The following TMEM62 variants were observed in gnomAD, a reference collection of about 807,000 sequenced individuals.
TMEM62 encodes transmembrane protein 62.
Under a neutral mutation model 70.4 loss-of-function variants are expected in TMEM62, and 41 were observed. That is an observed-to-expected ratio of 0.58 (90% confidence interval 0.45 to 0.76). The LOEUF is 0.76. Ranked by LOEUF, TMEM62 falls within the 30% of genes least tolerant of loss-of-function variation. The pLI is 0.00. For synonymous variants in TMEM62, 268 were observed against 291.0 expected (o/e 0.92, Z 0.80); for missense variants, 688 against 788.5 (o/e 0.87, Z 1.53).
chr15:43,175,858 C>T (rs564950059), intron 11 of TMEM62, among the ~76,000 whole-genome samples: 80 of 152,294 alleles, frequency 5.3e-4, no homozygotes, highest in Admixed American at 9.8e-4. Flanking sequence ...GCGCACCGTG[C>T]GTGAGCCGAA....
Position 43,138,687 on chromosome 15 carries a change from A to G in TMEM62, c.476+68A>G. 5 of 1,269,278 alleles carry G rather than the reference A, an allele frequency of 3.9e-6. No individual in the cohort carries two copies. The South Asian group carries it at 6.6e-5, about 17-fold the overall frequency. 78.6% of individuals were successfully genotyped at this position (1,269,278 alleles called of 1,614,324 possible). On this transcript the variant is annotated intron_variant, in intron 4 of 13. Transcript: ENST00000260403. Reference sequence around the variant, plus strand: ...GTTATAAGGAGGGTGTGGTCAACTCAATGAATGAGAGAAAACTTTAAAAAA... The same window carrying G: ...GTTATAAGGAGGGTGTGGTCAACTCGATGAATGAGAGAAAACTTTAAAAAA...
At chr15:43,157,169 C>A (rs564493602) in intron 9 of TMEM62, among the ~76,000 whole-genome samples, 1 of 152,200 alleles carries the variant, frequency 6.6e-6, no homozygotes, top group Non-Finnish European at 1.5e-5. Flanking sequence ...AGCAACTAGA[C>A]CTTTAGATCA....
chr15:43,161,345 T>C (rs143185147), intron 10 of TMEM62, among the ~76,000 whole-genome samples: 1 of 152,304 alleles, frequency 6.6e-6, no homozygotes, highest in Non-Finnish European at 1.5e-5. Context: ...CAAAGGATAT[T>C]AGTTATCATA....
At chr15:43,142,032 C>T (rs941591716) in intron 4 of TMEM62, among the ~76,000 whole-genome samples, 1 of 152,236 alleles carries the variant, frequency 6.6e-6, no homozygotes, top group Middle Eastern at 3.4e-3. Context: ...ATGGTGTGAA[C>T]ATTTTTGAAA....
intron 9 of TMEM62, among the ~76,000 whole-genome samples, chr15:43,159,509 C>A (rs1007913062): frequency 2.0e-5 from 3 of 152,062 alleles, no homozygotes; most frequent in Non-Finnish European, 2.9e-5. Flanking sequence ...TCTTTCTGTC[C>A]CTGGCTTATT....
intron 3 of TMEM62, among the ~76,000 whole-genome samples, chr15:43,137,518 C>T (rs1440557744): frequency 6.6e-6 from 1 of 152,256 alleles, no homozygotes; most frequent in Non-Finnish European, 1.5e-5. Flanking sequence ...ACAGAGGCTG[C>T]TACAGTCACG....
chr15:43,183,305 T>A (rs2041545959), intron 13 of TMEM62, among the ~76,000 whole-genome samples: 1 of 152,218 alleles, frequency 6.6e-6, no homozygotes, highest in South Asian at 2.1e-4. Flanking sequence ...TCTTGCCTCC[T>A]TACTCTCAGC....
intron 4 of TMEM62, among the ~76,000 whole-genome samples, chr15:43,142,515 C>T (rs931050336): frequency 2.0e-5 from 3 of 151,856 alleles, no homozygotes; most frequent in Non-Finnish European, 4.4e-5. Context: ...TTCATGGTTA[C>T]CTTATTTTAA....
chr15:43,151,225 T>C (rs908424186), intron 7 of TMEM62, among the ~76,000 whole-genome samples: 2 of 149,702 alleles, frequency 1.3e-5, no homozygotes, highest in Non-Finnish European at 3.0e-5. Context: ...TAATCCCAGC[T>C]ACTTGGGAGG....
chr15:43,177,435 T>C (rs1160217134), intron 11 of TMEM62, among the ~76,000 whole-genome samples: 2 of 152,096 alleles, frequency 1.3e-5, no homozygotes, highest in African/African-American at 4.8e-5. Context: ...TTGTGGAAGT[T>C]GGTGTGGTGA....
chr15:43,160,623 AAC>A, intron 9 of TMEM62, 56 bp from the exon 10 acceptor site: 1 of 862,182 alleles, frequency 1.2e-6, no homozygotes, highest in Non-Finnish European at 1.8e-6. Flanking sequence ...TTTAATTTAG[AAC>A]ATTATAAATA....
intron 9 of TMEM62, among the ~76,000 whole-genome samples, chr15:43,159,499 T>C (rs1449749363): frequency 6.6e-6 from 1 of 152,228 alleles, no homozygotes; most frequent in African/African-American, 2.4e-5. Context: ...GTGATGTTTG[T>C]CTTTCTGTCC....
At chr15:43,157,055 A>G (rs2038130708) in intron 9 of TMEM62, among the ~76,000 whole-genome samples, 1 of 152,210 alleles carries the variant, frequency 6.6e-6, no homozygotes, top group African/African-American at 2.4e-5. Flanking sequence ...ACTGTAGATA[A>G]GTCAGATTTG....
rs201059179 is a variant in TMEM62 at position 43,160,677 on chromosome 15, C to T, written c.1183-4C>T. 17 of 1,550,972 alleles carry T rather than the reference C, an allele frequency of 1.1e-5. No homozygotes were observed. Among genetic ancestry groups the T allele is most frequent in the African/African-American group, 2.7e-5 (2 of 73,238 alleles). The stretch of plus-strand genomic sequence containing the variant: ...AGTTACTTTTCTTCTGTGGTTATTA[C>T]TAGGATTCTGCTGGAAGAAGTAAGA... On this transcript the variant is annotated splice_polypyrimidine_tract_variant and splice_region_variant and intron_variant, in intron 9 of 13. Coordinates refer to ENST00000260403, the MANE Select transcript of TMEM62 (RefSeq NM_024956.4).
At chr15:43,151,337 AG>A (rs371613682) in intron 7 of TMEM62, among the ~76,000 whole-genome samples, 3 of 151,128 alleles carry the variant, frequency 2.0e-5, no homozygotes, top group Non-Finnish European at 2.9e-5. Context: ...AAAAAAAAAA[AG>A]AAAGAAAGGT....
At chr15:43,171,120 G>A (rs1378720469) in intron 11 of TMEM62, among the ~76,000 whole-genome samples, 4 of 152,180 alleles carry the variant, frequency 2.6e-5, no homozygotes, top group Non-Finnish European at 5.9e-5. Context: ...CAGATCACCT[G>A]AGATCAGGAG....
chr15:43,184,730 G>A lies in TMEM62; in HGVS notation c.*144G>A. The A allele has an allele frequency of 1.5e-6, 1 of 689,216 alleles. No homozygotes were observed. Among genetic ancestry groups the A allele is most frequent in the Non-Finnish European group, 2.4e-6 (1 of 413,852 alleles). The allele number at this position is 689,216 out of a possible 1,614,324, so 42.7% of individuals were successfully genotyped here. ...TGCTCGTTTGGAGTCCTGGACGTTG[G>A]AGGGATTACCCACTACTGATACCTG... On this transcript the variant is annotated 3_prime_UTR_variant, in exon 14 of 14. Coordinates refer to ENST00000260403, the MANE Select transcript of TMEM62 (RefSeq NM_024956.4).
intron 7 of TMEM62, 32 bp downstream of exon 7, chr15:43,149,183 T>A (rs976675385): frequency 6.2e-7 from 1 of 1,604,302 alleles, no homozygotes; most frequent in Non-Finnish European, 8.5e-7. Context: ...AGAAAACTTA[T>A]ACACATAAGT....
chr15:43,145,267 C>T (rs1316955171), intron 4 of TMEM62, among the ~76,000 whole-genome samples: 7 of 143,582 alleles, frequency 4.9e-5, no homozygotes, highest in Non-Finnish European at 7.5e-5. Context: ...TGCAGTGGCA[C>T]GATCTCCACT....
Sources: gnomAD v4.1 joint callset for allele counts (sites outside exome capture counted in the v4.1 genomes callset) on GRCh38, gnomAD v4.1.1 for gene constraint, MANE v1.5 for transcripts, NCBI Gene and HGNC (gene_info 2026-07-23, HGNC 2026-07-21) for gene names.